SYNDIG1: variants seen among roughly 807,000 people sequenced by gnomAD.
SYNDIG1 encodes the protein synapse differentiation-inducing gene protein 1.
SYNDIG1 carries 9 observed loss-of-function variants against 19.4 expected under a neutral mutation model. The ratio of observed to expected loss-of-function variants is 0.46; its 90% CI spans 0.28 to 0.81. The LOEUF (loss-of-function observed/expected upper bound fraction) is 0.81, where lower values mean the gene tolerates loss of function less well. SYNDIG1 is among the 30% of genes least tolerant of loss of function. The pLI is 0.12. For missense variants in SYNDIG1, 311 were observed against 343.3 expected (o/e 0.91, Z 0.74); for synonymous variants, 141 against 145.9 (o/e 0.97, Z 0.24).
rs575130301 is a variant in SYNDIG1 at position 24,597,851 on chromosome 20, G to A, written c.618+12858G>A. 2.8e-4 allele frequency among the ~76,000 whole-genome samples: 42 copies of A among 152,280 alleles called. 1 individual carries two copies. The South Asian group carries it at 5.8e-3, about 21-fold the overall frequency. On this transcript the variant is annotated intron_variant, in intron 3 of 3. Coordinates refer to ENST00000376862, the MANE Select transcript of SYNDIG1 (RefSeq NM_024893.3). The stretch of plus-strand genomic sequence containing the variant: ...GCACCTTAGCCCCTCCATAGCTTTG[G>A]TGCCTTCATCAGAAAGCATAGAAGA...
chr20:24,520,545 T>G (rs1342006156), intron 1 of SYNDIG1, among the ~76,000 whole-genome samples: 3 of 151,840 alleles, frequency 2.0e-5, no homozygotes, highest in Non-Finnish European at 4.4e-5. Context: ...ATACAAAAAT[T>G]AGCTTGGTGT....
intron 1 of SYNDIG1, among the ~76,000 whole-genome samples, chr20:24,493,805 A>G (rs568505059): frequency 6.6e-6 from 1 of 152,150 alleles, no homozygotes; most frequent in Admixed American, 6.5e-5. Flanking sequence ...GCAAGCTCAG[A>G]GGGGAGGCAT....
At position 24,506,714 on chromosome 20, in the gene SYNDIG1, G is replaced by A. The variant is rs188411231; in HGVS notation, c.-78-36306G>A. Among the ~76,000 whole-genome samples, 18 of 152,204 alleles carry A rather than the reference G, an allele frequency of 1.2e-4. No individual in the cohort carries two copies. The East Asian group carries it at 2.1e-3, about 18-fold the overall frequency. ...GTTCCCTCTGGTTTATTTCAAATCCGCTGATGCAGTGGTGTCCGGGGCAGT... is the reference window on the plus strand; with the variant it reads ...GTTCCCTCTGGTTTATTTCAAATCCACTGATGCAGTGGTGTCCGGGGCAGT... On this transcript the variant is annotated intron_variant, in intron 1 of 3. Transcript: ENST00000376862.
chr20:24,508,436 C>CCAAGCTGATCT (rs2056660765), intron 1 of SYNDIG1, among the ~76,000 whole-genome samples: 1 of 150,172 alleles, frequency 6.7e-6, no homozygotes, highest in Non-Finnish European at 1.5e-5. Flanking sequence ...ACCATGTTGG[C>CCAAGCTGATCT]CAAACTCCTG....
chr20:24,581,972 C>CT (rs2058331917), intron 2 of SYNDIG1, among the ~76,000 whole-genome samples: 1 of 149,936 alleles, frequency 6.7e-6, no homozygotes. Context: ...CCCCACTGCA[C>CT]ATCCTCCCCT....
chr20:24,474,057 T>G (rs1487870764), intron 1 of SYNDIG1, among the ~76,000 whole-genome samples: 1 of 152,202 alleles, frequency 6.6e-6, no homozygotes, highest in African/African-American at 2.4e-5. Flanking sequence ...ACCCAGGGTG[T>G]GTACATAGCC....
chr20:24,588,813 G>A (rs1429415296), intron 3 of SYNDIG1, among the ~76,000 whole-genome samples: 2 of 152,214 alleles, frequency 1.3e-5, no homozygotes, highest in East Asian at 3.9e-4. Context: ...GGAACTCCAT[G>A]ACATGGGTGC....
chr20:24,606,893 G>A (rs961456044), intron 3 of SYNDIG1, among the ~76,000 whole-genome samples: 4 of 152,236 alleles, frequency 2.6e-5, no homozygotes, highest in Non-Finnish European at 4.4e-5. Context: ...GTGTTTGGAG[G>A]ATGATTCTGG....
chr20:24,495,816 GTTA>G (rs1308451004), intron 1 of SYNDIG1: 1 of 152,142 alleles, frequency 6.6e-6, no homozygotes, highest in African/African-American at 2.4e-5. Flanking sequence ...AATGGAGGTA[GTTA>G]TTATTTCTGT....
intron 2 of SYNDIG1, among the ~76,000 whole-genome samples, chr20:24,580,374 T>C (rs1434512929): frequency 1.3e-5 from 2 of 152,144 alleles, no homozygotes; most frequent in Non-Finnish European, 2.9e-5. Flanking sequence ...GGGGTGTTTT[T>C]GTCTGCCCTG....
At chr20:24,512,331 C>T (rs1237613056) in intron 1 of SYNDIG1, among the ~76,000 whole-genome samples, 2 of 151,012 alleles carry the variant, frequency 1.3e-5, no homozygotes. Context: ...TGAGCCAAAG[C>T]AGGGCGAGGC....
chr20:24,477,583 G>A (rs2055670824), intron 1 of SYNDIG1, among the ~76,000 whole-genome samples: 1 of 152,196 alleles, frequency 6.6e-6, no homozygotes, highest in Non-Finnish European at 1.5e-5. Flanking sequence ...GAGCCAAGCT[G>A]TAACCCATCT....
chr20:24,606,838 C>A (rs2058763694), intron 3 of SYNDIG1, among the ~76,000 whole-genome samples: 1 of 152,198 alleles, frequency 6.6e-6, no homozygotes, highest in Non-Finnish European at 1.5e-5. Context: ...ATGATTACCC[C>A]TGGATGCTGA....
chr20:24,643,995 T>A (rs1319353926), intron 3 of SYNDIG1, among the ~76,000 whole-genome samples: 1 of 152,222 alleles, frequency 6.6e-6, no homozygotes, highest in Non-Finnish European at 1.5e-5. Context: ...CAGCTTCATA[T>A]ATTTTGAAAT....
chr20:24,537,172 C>T (rs948630837), intron 1 of SYNDIG1, among the ~76,000 whole-genome samples: 13 of 152,198 alleles, frequency 8.5e-5, no homozygotes, highest in Non-Finnish European at 1.9e-4. Context: ...TTCCTAAACA[C>T]TACCTATGCT....
intron 3 of SYNDIG1, among the ~76,000 whole-genome samples, chr20:24,649,922 A>G (rs1360856231): frequency 1.3e-5 from 2 of 152,242 alleles, no homozygotes; most frequent in African/African-American, 2.4e-5. Context: ...AAATGCAAAT[A>G]AAACTAATTC....
chr20:24,654,518 G>A (rs543446588), intron 3 of SYNDIG1, among the ~76,000 whole-genome samples: 16 of 152,050 alleles, frequency 1.1e-4, no homozygotes, highest in African/African-American at 3.4e-4. Flanking sequence ...GAGAACGATT[G>A]AGGAAATGAT....
At chr20:24,553,486 T>C (rs977739831) in intron 2 of SYNDIG1, among the ~76,000 whole-genome samples, 2 of 152,228 alleles carry the variant, frequency 1.3e-5, no homozygotes. Flanking sequence ...TTAATTTTTG[T>C]ATAAGGTGTA....
chr20:24,611,061 A>T (rs1314657423), intron 3 of SYNDIG1, among the ~76,000 whole-genome samples: 1 of 152,156 alleles, frequency 6.6e-6, no homozygotes, highest in African/African-American at 2.4e-5. Context: ...GATGCTCAGG[A>T]TATTGCCTCT....
Sources: gnomAD v4.1 joint callset for allele counts (sites outside exome capture counted in the v4.1 genomes callset) on GRCh38, gnomAD v4.1.1 for gene constraint, MANE v1.5 for transcripts, NCBI Gene and HGNC (gene_info 2026-07-23, HGNC 2026-07-21) for gene names.